The following FHIP1A variants were observed in gnomAD, a reference collection of about 807,000 sequenced individuals.
The protein encoded by FHIP1A is FHF complex subunit HOOK interacting protein 1A, also known as FHF complex subunit HOOK-interacting protein 1A.
In FHIP1A, 61 loss-of-function variants were observed where a neutral mutation model predicts 88.6. That is an observed-to-expected ratio of 0.69 (90% CI 0.56 to 0.85). The LOEUF (loss-of-function observed/expected upper bound fraction) is 0.85. Among genes scored for constraint, FHIP1A ranks in the 40% least tolerant of loss-of-function variants. The probability of loss-of-function intolerance (pLI) is 0.00; values close to 1 mark genes in which losing one functional copy is unlikely to be tolerated. For missense variants in FHIP1A, 1,154 were observed against 1,273.5 expected (o/e 0.91, Z 1.43); for synonymous variants, 478 against 496.0 (o/e 0.96, Z 0.48).
intron 5 of FHIP1A, among the ~76,000 whole-genome samples, chr4:151,578,841 C>A (rs1261642452): frequency 1.3e-5 from 2 of 152,112 alleles, no homozygotes; most frequent in Non-Finnish European, 2.9e-5. Context: ...AACTTGGAAG[C>A]AACCAAGATG....
At chr4:151,587,688 A>G (rs1360344224) in intron 6 of FHIP1A, among the ~76,000 whole-genome samples, 1 of 152,048 alleles carries the variant, frequency 6.6e-6, no homozygotes, top group Non-Finnish European at 1.5e-5. Context: ...GTAGGATGAA[A>G]GATGTTAGTT....
intron 1 of FHIP1A, among the ~76,000 whole-genome samples, chr4:151,415,945 T>G (rs1023769088): frequency 2.2e-4 from 20 of 89,964 alleles, no homozygotes; most frequent in African/African-American, 8.5e-4. Flanking sequence ...GAGCATAGTG[T>G]TTTTTTTTTT....
At chr4:151,496,633 C>T (rs1730470997) in intron 3 of FHIP1A, among the ~76,000 whole-genome samples, 1 of 152,034 alleles carries the variant, frequency 6.6e-6, no homozygotes, top group Non-Finnish European at 1.5e-5. Context: ...ACTGCATTCT[C>T]CATTCCCCCG....
At chr4:151,432,810 A>T (rs976019077) in intron 1 of FHIP1A, among the ~76,000 whole-genome samples, 2 of 152,160 alleles carry the variant, frequency 1.3e-5, no homozygotes, top group African/African-American at 4.8e-5. Context: ...TAGGCTAGAC[A>T]GGAGAGAGAT....
intron 1 of FHIP1A, among the ~76,000 whole-genome samples, chr4:151,421,296 C>T (rs1358254208): frequency 6.6e-6 from 1 of 152,112 alleles, no homozygotes; most frequent in Non-Finnish European, 1.5e-5. Context: ...TCTTATTTTT[C>T]CTGCAATTGA....
intron 3 of FHIP1A, among the ~76,000 whole-genome samples, chr4:151,504,562 T>TTTAGTTATGTTATG (rs1553947081): frequency 2.1e-5 from 3 of 145,124 alleles, no homozygotes; most frequent in African/African-American, 7.8e-5. Flanking sequence ...GGGAAAAAAT[T>TTTAGTTATGTTATG]TTATGTTATG....
chr4:151,516,535 T>C (rs1324785979), intron 3 of FHIP1A, among the ~76,000 whole-genome samples: 1 of 152,044 alleles, frequency 6.6e-6, no homozygotes, highest in Non-Finnish European at 1.5e-5. Flanking sequence ...TGGGATAAAA[T>C]TTTTGCAACC....
chr4:151,641,924 C>A (rs951525711), intron 9 of FHIP1A, among the ~76,000 whole-genome samples: 1 of 152,096 alleles, frequency 6.6e-6, no homozygotes, highest in Non-Finnish European at 1.5e-5. Flanking sequence ...TATGTGACTG[C>A]GTTTAATGAA....
At chr4:151,556,535 A>G (rs1471457688) in intron 3 of FHIP1A, among the ~76,000 whole-genome samples, 1 of 152,184 alleles carries the variant, frequency 6.6e-6, no homozygotes, top group Non-Finnish European at 1.5e-5. Flanking sequence ...CTATGAAAGC[A>G]GGAAATATAA....
chr4:151,502,663 A>G (rs958399790), intron 3 of FHIP1A, among the ~76,000 whole-genome samples: 2 of 152,312 alleles, frequency 1.3e-5, no homozygotes, highest in East Asian at 3.9e-4. Context: ...GGGAATCCTA[A>G]AAGGAGAAGA....
At chr4:151,573,304 ACAC>A (rs1399875903) in intron 4 of FHIP1A, among the ~76,000 whole-genome samples, 4 of 151,974 alleles carry the variant, frequency 2.6e-5, no homozygotes, top group Non-Finnish European at 5.9e-5. Flanking sequence ...ATACACACAC[ACAC>A]ATGTCTGCGT....
intron 5 of FHIP1A, among the ~76,000 whole-genome samples, chr4:151,584,621 G>A (rs1734139257): frequency 6.6e-6 from 1 of 151,990 alleles, no homozygotes; most frequent in South Asian, 2.1e-4. Flanking sequence ...TCTCTTTTAA[G>A]CATCAGCCCC....
chr4:151,586,864 A>G, intron 6 of FHIP1A, 65 bp downstream of exon 6: 2 of 1,196,032 alleles, frequency 1.7e-6, no homozygotes, highest in Admixed American at 2.8e-5. Flanking sequence ...ACTGCAAAGG[A>G]TTAATTTTAA....
intron 1 of FHIP1A, among the ~76,000 whole-genome samples, chr4:151,439,061 CTTTTA>C (rs1405873798): frequency 6.6e-6 from 1 of 152,084 alleles, no homozygotes; most frequent in Non-Finnish European, 1.5e-5. Flanking sequence ...TTCAAGTTTT[CTTTTA>C]TTTTAAAGCA....
intron 10 of FHIP1A, among the ~76,000 whole-genome samples, 163 bp downstream of exon 10, chr4:151,646,911 C>T (rs1361074395): frequency 6.6e-6 from 1 of 152,112 alleles, no homozygotes; most frequent in Non-Finnish European, 1.5e-5. Context: ...GTTATGGACA[C>T]GTTGTAATCA....
At chr4:151,428,311 A>G (rs920582768) in intron 1 of FHIP1A, among the ~76,000 whole-genome samples, 2 of 152,164 alleles carry the variant, frequency 1.3e-5, no homozygotes, top group African/African-American at 4.8e-5. Flanking sequence ...AAGAACCCTA[A>G]CATTTGTATG....
chr4:151,522,547 C>CTG (rs1369961162), intron 3 of FHIP1A, among the ~76,000 whole-genome samples: 1 of 152,218 alleles, frequency 6.6e-6, no homozygotes, highest in Non-Finnish European at 1.5e-5. Context: ...CTGCTGCCTA[C>CTG]TGTGAATTCC....
chr4:151,468,021 A>C (rs1729384376), intron 2 of FHIP1A, among the ~76,000 whole-genome samples: 1 of 150,444 alleles, frequency 6.6e-6, no homozygotes, highest in Admixed American at 6.6e-5. Context: ...ATGTTGGCTC[A>C]TGCCTGTAAT....
chr4:151,649,389 G>A (rs1736912803), intron 10 of FHIP1A, 70 bp from the exon 11 acceptor site: 1 of 1,188,692 alleles, frequency 8.4e-7, no homozygotes, highest in Non-Finnish European at 1.2e-6. Context: ...GCCCGAATGG[G>A]TCACAACCCC....
Sources: allele counts gnomAD v4.1 joint callset (sites outside exome capture counted in the v4.1 genomes callset), GRCh38; gene constraint gnomAD v4.1.1; transcripts MANE v1.5; gene names NCBI Gene and HGNC (gene_info 2026-07-23, HGNC 2026-07-21).